Variants in RBFOX3 observed in about 807,000 individuals in gnomAD.
RBFOX3 encodes the protein RNA binding protein fox-1 homolog 3.
RBFOX3 carries 17 observed loss-of-function variants against 48.7 expected under a neutral mutation model. The observed-to-expected ratio is 0.35, with a 90% CI of 0.24 to 0.52. The LOEUF is 0.52. RBFOX3 is among the 20% of genes least tolerant of loss of function. The pLI is 0.94. For synonymous variants in RBFOX3, 212 were observed against 209.5 expected, an observed-to-expected ratio of 1.01 and a Z score of -0.10; for missense variants, 382 against 497.5, an observed-to-expected ratio of 0.77 and a Z score of 2.21.
At chr17:79,657,135 A>C in the RBFOX3 span, among the ~76,000 whole-genome samples, 1 of 152,070 alleles carries the variant, frequency 6.6e-6, no homozygotes. Flanking sequence ...ACCCTGGAAG[A>C]GGAGAAGAAT....
chr17:79,562,062 G>T (rs2092257591), intron 1 of RBFOX3, among the ~76,000 whole-genome samples: 1 of 152,208 alleles, frequency 6.6e-6, no homozygotes, highest in African/African-American at 2.4e-5. Flanking sequence ...CACCAAAAGG[G>T]GCAGACCAGT....
chr17:79,253,583 G>T (rs1229040194), intron 3 of RBFOX3, among the ~76,000 whole-genome samples: 2 of 152,080 alleles, frequency 1.3e-5, no homozygotes, highest in African/African-American at 2.4e-5. Flanking sequence ...CCACATTTGA[G>T]CCAGTGAGCA....
rs2066395252 is a variant in RBFOX3 at position 79,421,601 on chromosome 17, G to A, written c.-175+60853C>T. On this transcript the variant is annotated intron_variant, in intron 2 of 14. Transcript: ENST00000693108. The surrounding 1 kb of genome is among the most constrained non-coding windows in gnomAD (Gnocchi z 4.5). ...GTGACAGGAGGGGGCCCCAGAAGTT[G>A]AGGACACAAGGAACATGGACCCCTG... Among the ~76,000 whole-genome samples, 1 of 152,156 alleles carries A rather than the reference G, an allele frequency of 6.6e-6. No individual in the cohort carries two copies. Among genetic ancestry groups the A allele is most frequent in the African/African-American group, 2.4e-5 (1 of 41,436 alleles).
chr17:79,377,507 A>T (rs1447429816), intron 2 of RBFOX3, among the ~76,000 whole-genome samples: 4 of 152,328 alleles, frequency 2.6e-5, no homozygotes, highest in African/African-American at 7.2e-5. Context: ...CGAGTTGGTG[A>T]CATCCTCCTG....
upstream of RBFOX3, among the ~76,000 whole-genome samples, chr17:79,611,967 T>C (rs1245276043): frequency 1.3e-5 from 2 of 152,148 alleles, no homozygotes; most frequent in African/African-American, 4.8e-5. Flanking sequence ...GTAAGGGGCC[T>C]GGTGTGAGTT....
At chr17:79,403,098 A>C (rs2063024902) in intron 2 of RBFOX3, among the ~76,000 whole-genome samples, 1 of 152,056 alleles carries the variant, frequency 6.6e-6, no homozygotes, top group South Asian at 2.1e-4. Flanking sequence ...CTGGGAGAGG[A>C]CTGCAGCCAG....
chr17:79,432,108 T>G (rs1555728726), intron 2 of RBFOX3, among the ~76,000 whole-genome samples: 1 of 152,250 alleles, frequency 6.6e-6, no homozygotes, highest in African/African-American at 2.4e-5. Flanking sequence ...TCATTCACAC[T>G]GTGTATTCTG....
At chr17:79,416,695 CT>C (rs1479847287) in intron 2 of RBFOX3, among the ~76,000 whole-genome samples, 1 of 152,218 alleles carries the variant, frequency 6.6e-6, no homozygotes, top group African/African-American at 2.4e-5. Flanking sequence ...TGGGATGGGG[CT>C]GCCACTCAGG....
At chr17:79,133,416 C>A (rs909631462) in intron 4 of RBFOX3, among the ~76,000 whole-genome samples, 2 of 151,748 alleles carry the variant, frequency 1.3e-5, no homozygotes. Context: ...GTTTGCTGAG[C>A]ACCTACTAGC....
In RBFOX3 at chr17:79,423,260, C is replaced by A. The variant is rs1185098983; in HGVS notation, c.-175+59194G>T. On this transcript the variant is annotated intron_variant, in intron 2 of 14. Coordinates refer to ENST00000693108, the MANE Select transcript of RBFOX3 (RefSeq NM_001350451.2). This position sits in a 1 kb window ranked among gnomAD's most constrained non-coding sequence, Gnocchi z 4.9. ...CTTTCCAGGTTCCCAGGTACAAGTT[C>A]GTGGCATTGTCCTGGATTCCTTGAC... Among the ~76,000 whole-genome samples the A allele has an allele frequency of 2.0e-5, 3 of 152,180 alleles. No homozygotes were observed. Among genetic ancestry groups the A allele is most frequent in the Non-Finnish European group, 4.4e-5 (3 of 68,020 alleles).
At chr17:79,170,124 A>AAGG (rs1555728616) in intron 4 of RBFOX3, among the ~76,000 whole-genome samples, 12 of 144,038 alleles carry the variant, frequency 8.3e-5, no homozygotes, top group African/African-American at 3.2e-4. Context: ...GGAAGGAAGG[A>AAGG]AGGAAGGAGG....
intron 3 of RBFOX3, among the ~76,000 whole-genome samples, chr17:79,266,896 G>T (rs2066801473): frequency 6.6e-6 from 1 of 152,154 alleles, no homozygotes; most frequent in African/African-American, 2.4e-5. Flanking sequence ...CTCCTGCTCA[G>T]ACCTCACCCT....
At chr17:79,168,900 A>G (rs2145638571) in intron 4 of RBFOX3, among the ~76,000 whole-genome samples, 1 of 152,168 alleles carries the variant, frequency 6.6e-6, no homozygotes, top group East Asian at 1.9e-4. Context: ...TAGGGCAGAG[A>G]GCCCACTTGG....
intron 2 of RBFOX3, among the ~76,000 whole-genome samples, chr17:79,324,749 A>G (rs924009265): frequency 2.6e-5 from 4 of 152,346 alleles, no homozygotes; most frequent in Admixed American, 6.5e-5. Context: ...CACGGCCACA[A>G]GCCAACACCT....
chr17:79,495,573 G>GCAGA (rs2149662307), intron 1 of RBFOX3, among the ~76,000 whole-genome samples: 3 of 14,602 alleles, frequency 2.1e-4, no homozygotes, highest in African/African-American at 3.7e-4. Context: ...GGGCAGGGAT[G>GCAGA]GGGATGTGGG....
chr17:79,274,392 C>T (rs776758967), intron 3 of RBFOX3, among the ~76,000 whole-genome samples: 9 of 152,192 alleles, frequency 5.9e-5, no homozygotes, highest in African/African-American at 1.9e-4. Flanking sequence ...TAAGATTGCT[C>T]GGCAAAGGGC....
At chr17:79,303,008 G>T (rs2075553706) in intron 3 of RBFOX3, among the ~76,000 whole-genome samples, 1 of 152,090 alleles carries the variant, frequency 6.6e-6, no homozygotes, top group African/African-American at 2.4e-5. Flanking sequence ...GTTTGAGGCT[G>T]GCTTGGGCAA....
At chr17:79,218,684 G>T (rs1334774192) in intron 4 of RBFOX3, among the ~76,000 whole-genome samples, 1 of 152,196 alleles carries the variant, frequency 6.6e-6, no homozygotes, top group Non-Finnish European at 1.5e-5. Flanking sequence ...GGAGGTCAGG[G>T]AACAGGGTTC....
At chr17:79,410,263 A>G (rs2148563104) in intron 2 of RBFOX3, among the ~76,000 whole-genome samples, 1 of 152,310 alleles carries the variant, frequency 6.6e-6, no homozygotes, top group Non-Finnish European at 1.5e-5. Context: ...TCTCCCCTGC[A>G]CAGTCTTAGC....
Sources: gnomAD v4.1 joint callset for allele counts (sites outside exome capture counted in the v4.1 genomes callset) on GRCh38, gnomAD v4.1.1 for gene constraint, Gnocchi (gnomAD v3.1) non-coding constraint, MANE v1.5 for transcripts, NCBI Gene and HGNC (gene_info 2026-07-23, HGNC 2026-07-21) for gene names.